The following RAD54L2 variants were observed in gnomAD, a reference collection of about 807,000 sequenced individuals.
RAD54L2 encodes helicase ARIP4.
RAD54L2 carries 27 observed loss-of-function variants against 138.4 expected under a neutral mutation model. That is an observed-to-expected ratio of 0.20 (90% CI 0.14 to 0.27). RAD54L2 has a LOEUF of 0.27. Among genes scored for constraint, RAD54L2 ranks in the 10% least tolerant of loss-of-function variants. The pLI, the probability that RAD54L2 is intolerant of heterozygous loss-of-function variation, is 1.00. For missense variants in RAD54L2, 1,396 were observed against 1,890.2 expected, an observed-to-expected ratio of 0.74 and a Z score of 4.85; for synonymous variants, 644 against 723.2, an observed-to-expected ratio of 0.89 and a Z score of 1.76.
rs1701905621 is a variant in RAD54L2, at chr3:51,666,173, G to GTTTTTTTTTTTT, written c.*2753_*2754insTTTTTTTTTTTT. 1 of 20,226 alleles carries GTTTTTTTTTTTT rather than the reference G, an allele frequency of 4.9e-5. No individual in the cohort carries two copies. The highest frequency in any genetic ancestry group is 2.9e-4 in the African/African-American group (1 of 3,446). The allele number at this position is 20,226 out of a possible 1,614,324, so 1.3% of individuals were successfully genotyped here. A position where few individuals can be genotyped will look rare whatever the true frequency, so the allele number is the denominator to read the frequency against. ...GAGTGCTACCAGGTCCATGGTTTTT[G>GTTTTTTTTTTTT]CTTTTTTTTTTTTTTTTTTTTTTTT... is the stretch of plus-strand genomic sequence containing the variant. On this transcript the variant is annotated 3_prime_UTR_variant, in exon 23 of 23. Coordinates refer to ENST00000684192, the MANE Select transcript of RAD54L2 (RefSeq NM_015106.4).
At chr3:51,635,091 G>A (rs1015808356) in intron 9 of RAD54L2, among the ~76,000 whole-genome samples, 1 of 152,224 alleles carries the variant, frequency 6.6e-6, no homozygotes, top group African/African-American at 2.4e-5. Context: ...AATACAGTGA[G>A]TGCTCCGGTG....
At chr3:51,580,319 G>A (rs750109433) in intron 2 of RAD54L2, among the ~76,000 whole-genome samples, 12 of 152,184 alleles carry the variant, frequency 7.9e-5, no homozygotes, top group Admixed American at 4.6e-4. Flanking sequence ...TATGGAGGGA[G>A]TGGAGCACAG....
chr3:51,539,758 T>TA (rs1400799418), intron 1 of RAD54L2, among the ~76,000 whole-genome samples: 1 of 152,158 alleles, frequency 6.6e-6, no homozygotes. Flanking sequence ...AGTGACCTCT[T>TA]ACTGCGTGGG....
At chr3:51,560,662 A>G (rs1699078066) in intron 2 of RAD54L2, among the ~76,000 whole-genome samples, 1 of 151,952 alleles carries the variant, frequency 6.6e-6, no homozygotes. Flanking sequence ...TGGCCCCCCA[A>G]ATAGTTTTCA....
intron 3 of RAD54L2, among the ~76,000 whole-genome samples, chr3:51,592,826 C>T (rs548509407): frequency 4.6e-5 from 7 of 152,128 alleles, no homozygotes; most frequent in African/African-American, 1.7e-4. Flanking sequence ...TCACCTGCCT[C>T]GGCTTCCCAA....
At chr3:51,644,037 G>C in intron 16 of RAD54L2, 63 bp downstream of exon 16, 1 of 1,341,276 alleles carries the variant, frequency 7.5e-7, no homozygotes, top group South Asian at 1.3e-5. Flanking sequence ...ACCTGGGCTG[G>C]TACCCCAAAA....
At chr3:51,569,050 A>G (rs1699278658) in intron 2 of RAD54L2, among the ~76,000 whole-genome samples, 1 of 152,216 alleles carries the variant, frequency 6.6e-6, no homozygotes, top group African/African-American at 2.4e-5. Context: ...GAGAAGTTCC[A>G]GCAGGATTAT....
At chr3:51,539,466 A>G (rs562709243) in intron 1 of RAD54L2, among the ~76,000 whole-genome samples, 1 of 152,252 alleles carries the variant, frequency 6.6e-6, no homozygotes, top group Admixed American at 6.5e-5. Flanking sequence ...TCAGCTGGGC[A>G]CAAGAGAGTT....
intron 2 of RAD54L2, among the ~76,000 whole-genome samples, chr3:51,556,823 G>A (rs561203889): frequency 3.3e-5 from 5 of 152,172 alleles, no homozygotes; most frequent in South Asian, 4.2e-4. Flanking sequence ...TGATCCGCCC[G>A]CCTCTGCCTC....
intron 22 of RAD54L2, among the ~76,000 whole-genome samples, chr3:51,660,913 C>T (rs1212986080): frequency 1.3e-5 from 2 of 151,616 alleles, no homozygotes; most frequent in African/African-American, 4.9e-5. Flanking sequence ...AGCCACCACG[C>T]CAGGCCATAA....
intron 2 of RAD54L2, among the ~76,000 whole-genome samples, chr3:51,586,398 A>G (rs1314986784): frequency 1.3e-5 from 2 of 149,830 alleles, no homozygotes; most frequent in East Asian, 2.0e-4. Context: ...GATTACAGGC[A>G]TGAACCATCA....
At chr3:51,627,949 G>C (rs1289007010) in intron 4 of RAD54L2, among the ~76,000 whole-genome samples, 195 bp downstream of exon 4, 1 of 152,196 alleles carries the variant, frequency 6.6e-6, no homozygotes, top group Non-Finnish European at 1.5e-5. Context: ...GAGGACTGTA[G>C]GGAGAATGAG....
intron 19 of RAD54L2, among the ~76,000 whole-genome samples, chr3:51,655,103 G>T (rs1701562617): frequency 6.6e-6 from 1 of 152,182 alleles, no homozygotes; most frequent in Non-Finnish European, 1.5e-5. Context: ...AGAGCAATGT[G>T]ATTGAGGCAT....
At chr3:51,642,858 G>A (rs1380048644) in intron 15 of RAD54L2, among the ~76,000 whole-genome samples, 2 of 152,100 alleles carry the variant, frequency 1.3e-5, no homozygotes, top group Admixed American at 6.6e-5. Context: ...TTGAACTCAG[G>A]TTGGAAAAGT....
At chr3:51,605,316 T>C (rs1700156087) in intron 3 of RAD54L2, among the ~76,000 whole-genome samples, 1 of 151,980 alleles carries the variant, frequency 6.6e-6, no homozygotes, top group Admixed American at 6.6e-5. Flanking sequence ...CTGAAACTCC[T>C]GACCTCGAGT....
At chr3:51,606,194 G>T (rs534107632) in intron 3 of RAD54L2, among the ~76,000 whole-genome samples, 2 of 152,292 alleles carry the variant, frequency 1.3e-5, no homozygotes, top group South Asian at 4.1e-4. Flanking sequence ...TATCCTAAGT[G>T]CAAAAGGGAT....
intron 14 of RAD54L2, among the ~76,000 whole-genome samples, 180 bp from the exon 15 acceptor site, chr3:51,641,569 G>A (rs1274354443): frequency 6.6e-6 from 1 of 152,070 alleles, no homozygotes; most frequent in Non-Finnish European, 1.5e-5. Flanking sequence ...CACCCGCCTC[G>A]GCCTCCCAAA....
At chr3:51,589,426 A>G (rs1699786599) in intron 2 of RAD54L2, among the ~76,000 whole-genome samples, 1 of 152,170 alleles carries the variant, frequency 6.6e-6, no homozygotes, top group South Asian at 2.1e-4. Context: ...TAAATAAAAT[A>G]AAGAGCACTT....
At chr3:51,618,548 G>A (rs1324014737) in intron 3 of RAD54L2, among the ~76,000 whole-genome samples, 2 of 152,074 alleles carry the variant, frequency 1.3e-5, no homozygotes, top group Non-Finnish European at 2.9e-5. Flanking sequence ...CCGTACCCCC[G>A]ACTGGGTGAC....
Sources: allele counts gnomAD v4.1 joint callset (sites outside exome capture counted in the v4.1 genomes callset), GRCh38; gene constraint gnomAD v4.1.1; transcripts MANE v1.5; gene names NCBI Gene and HGNC (gene_info 2026-07-23, HGNC 2026-07-21).